Variants in TAF1C observed in about 807,000 individuals in gnomAD.
TAF1C encodes the protein TATA box-binding protein-associated factor RNA polymerase I subunit C.
TAF1C carries 79 observed loss-of-function variants against 70.5 expected under a neutral mutation model. The ratio of observed to expected loss-of-function variants is 1.12; its 90% CI spans 0.93 to 1.35. TAF1C has a LOEUF of 1.35. Ranked by LOEUF, TAF1C falls within the 40% of genes most tolerant of loss-of-function variation. The probability of loss-of-function intolerance (pLI) is 0.00; values close to 1 mark genes in which losing one functional copy is unlikely to be tolerated. For synonymous variants in TAF1C, 614 were observed against 491.1 expected (o/e 1.25, Z -3.31); for missense variants, 1,412 against 1,127.8 (o/e 1.25, Z -3.61).
chr16:84,181,223 C>T (rs1480766225), intron 11 of TAF1C, 37 bp from the exon 12 acceptor site: 1 of 1,594,418 alleles, frequency 6.3e-7, no homozygotes, highest in East Asian at 2.3e-5. Flanking sequence ...TCCCCACAGT[C>T]CCAGGCCGGT....
At position 84,185,026 on chromosome 16, in the gene TAF1C, G is replaced by C. The variant is rs764757066; in HGVS notation, c.-38C>G. 1.4e-5 allele frequency: 23 copies of C among 1,598,884 alleles called. No individual in the cohort carries two copies. The highest frequency in any genetic ancestry group is 2.0e-5 in the Non-Finnish European group (23 of 1,171,482). Reference sequence around the variant, plus strand: ...GACCAAGCACCACACTGGCCACCTCGAGAGACTGGAAGCTGGTAAGGGGCG... The same window carrying C: ...GACCAAGCACCACACTGGCCACCTCCAGAGACTGGAAGCTGGTAAGGGGCG... On this transcript the variant is annotated 5_prime_UTR_variant, in exon 2 of 15. Transcript: ENST00000566732.
At position 84,183,404 on chromosome 16, in the gene TAF1C, A is replaced by G. The variant is rs367902687; in HGVS notation, c.318+6T>C. The G allele has an allele frequency of 2.0e-4, 323 of 1,612,854 alleles. No individual in the cohort carries two copies. The highest frequency in any genetic ancestry group is 2.6e-4 in the Non-Finnish European group (303 of 1,179,438). On this transcript the variant is annotated splice_donor_region_variant and intron_variant, in intron 4 of 14. Transcript: ENST00000566732. Reference sequence around the variant, plus strand: ...ACGCAGCACTGTCCCCCGTGGGCCCACTCACCTGCTCAGTCACATCCAGCA... The same window carrying G: ...ACGCAGCACTGTCCCCCGTGGGCCCGCTCACCTGCTCAGTCACATCCAGCA...
intron 1 of TAF1C, among the ~76,000 whole-genome samples, chr16:84,186,352 G>C (rs1278486967): frequency 3.3e-5 from 5 of 152,190 alleles, no homozygotes; most frequent in Admixed American, 2.0e-4. Context: ...CCAGAAGTTT[G>C]AGACCAGTCC....
Position 84,179,832 on chromosome 16 carries a change from C to T in TAF1C, c.1641G>A (p.Pro547=), listed in dbSNP as rs775280278. 34 of 1,606,464 alleles carry T rather than the reference C, an allele frequency of 2.1e-5. No homozygotes were observed. The highest frequency in any genetic ancestry group is 2.6e-5 in the Non-Finnish European group (30 of 1,175,680). ...CTGGTGTGGGCGCTGAGGGCAAGGG[C>T]GGGACGACGGCAGCCAGACCTGGTG... ...APTIGLAAVV[P]PLPSAPTPGL... is the part of the protein sequence containing the mutation. Residue 547 remains proline, a synonymous_variant, in exon 15 of 15, where the codon CCG becomes CCA. Transcript: ENST00000566732.
chr16:84,184,729 T>C, intron 2 of TAF1C, 122 bp downstream of exon 2: 4 of 1,269,904 alleles, frequency 3.1e-6, no homozygotes, highest in Non-Finnish European at 1.1e-6. Context: ...AGAGCCTGTG[T>C]CTCAGCAGAC....
Position 84,181,324 on chromosome 16 carries a change from G to C in TAF1C, c.1164+4C>G, listed in dbSNP as rs4150152. The C allele has an allele frequency of 6.2e-7, 1 of 1,612,992 alleles. No homozygotes were observed. The highest frequency in any genetic ancestry group is 8.5e-7 in the Non-Finnish European group (1 of 1,179,620). On this transcript the variant is annotated splice_donor_region_variant and intron_variant, in intron 11 of 14. Transcript: ENST00000566732. ...GGGGTGGGTCCTCTGCCGCCAGCCC[G>C]TACCTGAGTGTCCAGCATCTTCACT...
chr16:84,182,353 C>T lies in TAF1C; in HGVS notation c.570G>A (p.Leu190=). 1 of 1,612,064 alleles carries T rather than the reference C, an allele frequency of 6.2e-7. No homozygotes were observed. Among genetic ancestry groups the T allele is most frequent in the Non-Finnish European group, 8.5e-7 (1 of 1,179,668 alleles). The change falls in exon 7 of 15, where the codon TTG becomes TTA. Residue 190 remains leucine, a synonymous_variant. Transcript: ENST00000566732. The surrounding 1 kb of genome is among the most constrained non-coding windows in gnomAD (Gnocchi z 5.0). ...PILGTSVASH[L]AELLHEELVL... ...CCAGCTCCTCGTGCAGCAGCTCTGC[C>T]AAGTGGCTCGCCACCGACGTGCCCA... is the stretch of plus-strand genomic sequence containing the variant.
In TAF1C at chr16:84,179,603, G is replaced by A. The variant is rs767051955; in HGVS notation, c.1870C>T (p.Pro624Ser). The change falls in exon 15 of 15, where the codon CCT becomes TCT. Residue 624 changes from proline (P) to serine (S), a missense_variant. Transcript: ENST00000566732. ...AAGGTGGGTGCTGTCCACACAGGAG[G>A]AGCCAGGGGCACTTTTAGCAGGGCC... ...LKALLKVPLA[P>S]PVWTAPTFTH... 2.3e-5 allele frequency: 37 copies of A among 1,612,638 alleles called. No individual in the cohort carries two copies. Among genetic ancestry groups the A allele is most frequent in the Non-Finnish European group, 3.0e-5 (35 of 1,179,918 alleles).
chr16:84,180,644 A>G, intron 12 of TAF1C: 1 of 643,916 alleles, frequency 1.6e-6, no homozygotes, highest in Non-Finnish European at 2.4e-6. Flanking sequence ...AGCCACCCCC[A>G]CTCTCCTGAC....
At position 84,183,493 on chromosome 16, in the gene TAF1C, C is replaced by T; in HGVS notation, c.235G>A (p.Gly79Ser). 6.2e-7 allele frequency: 1 copy of T among 1,610,364 alleles called. No individual in the cohort carries two copies. The highest frequency in any genetic ancestry group is 8.5e-7 in the Non-Finnish European group (1 of 1,178,292). ...LPPLIDPWDPGLTARDLLFRG... is the reference protein window; with the variant it reads ...LPPLIDPWDPSLTARDLLFRG... ...AAAAGCAGGTCCCGGGCAGTCAGGC[C>T]AGGGTCCCAGGGATCTGAGAAGGAG... is the stretch of plus-strand genomic sequence containing the variant. The change falls in exon 4 of 15, where the codon GGC becomes AGC. Residue 79 changes from glycine (G) to serine (S), a missense_variant. By Grantham distance (56) the Gly-to-Ser change is moderately conservative. Coordinates refer to ENST00000566732, the MANE Select transcript of TAF1C (RefSeq NM_001243156.2).
chr16:84,180,917 T>C, intron 12 of TAF1C, 126 bp downstream of exon 12: 1 of 1,445,900 alleles, frequency 6.9e-7, no homozygotes, highest in Non-Finnish European at 9.1e-7. Context: ...CACAGATTCA[T>C]CCAGGGTTGA....
At chr16:84,184,471 C>G (rs977108454) in intron 2 of TAF1C, among the ~76,000 whole-genome samples, 3 of 152,220 alleles carry the variant, frequency 2.0e-5, no homozygotes, top group African/African-American at 7.2e-5. Flanking sequence ...CTCCCCTCTC[C>G]CAACCCTACT....
chr16:84,185,937 A>G (rs953545760), intron 1 of TAF1C, among the ~76,000 whole-genome samples: 34 of 152,354 alleles, frequency 2.2e-4, no homozygotes, highest in African/African-American at 8.2e-4. Context: ...GCTTTGGTAA[A>G]TACAGTCCTC....
Position 84,179,036 on chromosome 16 carries a change from G to C in TAF1C, c.2437C>G (p.Gln813Glu), listed in dbSNP as rs751565416. The part of the protein sequence containing the change: ...PGCATTPPHS[Q>E]ASSVRATRSQ... ...CGAGTGGCCCGGACGCTGGAGGCCT[G>C]GGAGTGGGGAGGTGTGGTGGCACAG... The change falls in exon 15 of 15, where the codon CAG (glutamine) becomes GAG (glutamate). Residue 813 changes from glutamine to glutamate, a missense_variant. By Grantham distance (29) the Gln-to-Glu change is conservative. Coordinates refer to ENST00000566732, the MANE Select transcript of TAF1C (RefSeq NM_001243156.2). 5.0e-6 allele frequency: 8 copies of C among 1,610,890 alleles called. No individual in the cohort carries two copies. Among genetic ancestry groups the C allele is most frequent in the South Asian group, 3.3e-5 (3 of 91,046 alleles).
chr16:84,179,315 G>A lies in TAF1C; in HGVS notation c.2158C>T (p.Gln720Ter). 6.3e-7 allele frequency: 1 copy of A among 1,599,662 alleles called. No individual in the cohort carries two copies. Among genetic ancestry groups the A allele is most frequent in the Non-Finnish European group, 8.5e-7 (1 of 1,178,582 alleles). Reference sequence around the variant, plus strand: ...GTCCGGCGCTTGGGCCGCCTGGTCTGTCTCCCGGGCTCCGAGGTCCTGCCC... The same window carrying A: ...GTCCGGCGCTTGGGCCGCCTGGTCTATCTCCCGGGCTCCGAGGTCCTGCCC... ...QQGRTSEPGRQTRRPKRRTQL... is the reference protein window; with the variant it reads ...QQGRTSEPGR The change falls in exon 15 of 15, where the codon CAG becomes TAG. Residue 720 changes from glutamine to a stop codon, truncating the protein, a stop_gained. Transcript: ENST00000566732. LOFTEE classifies it low-confidence loss of function (END_TRUNC).
Position 84,180,287 on chromosome 16 carries a change from G to A in TAF1C, c.1366C>T (p.His456Tyr). Residue 456 changes from histidine to tyrosine, a missense_variant, in exon 13 of 15, where the codon CAT (histidine) becomes TAT (tyrosine). Physicochemically the swap from His to Tyr is moderately conservative, Grantham distance 83 (BLOSUM62 2). Coordinates refer to ENST00000566732, the MANE Select transcript of TAF1C (RefSeq NM_001243156.2). ...AGCAGGAGCGGGGAGGGGAGGCCAT[G>A]GTTCCACTTCAGCATCGGCACCAGG... ...LPLVPMLKWNHGLPSPLLLAR... is the reference protein window; with the variant it reads ...LPLVPMLKWNYGLPSPLLLAR... 1 of 1,549,820 alleles carries A rather than the reference G, an allele frequency of 6.5e-7. No homozygotes were observed. The highest frequency in any genetic ancestry group is 8.7e-7 in the Non-Finnish European group (1 of 1,148,440).
In TAF1C at chr16:84,182,309, A is replaced by G. The variant is rs1358184563; in HGVS notation, c.614T>C (p.Leu205Pro). 6.2e-7 allele frequency: 1 copy of G among 1,612,664 alleles called. No individual in the cohort carries two copies. Among genetic ancestry groups the G allele is most frequent in the African/African-American group, 1.3e-5 (1 of 74,918 alleles). Residue 205 changes from leucine to proline, a missense_variant, in exon 7 of 15, where the codon CTG (leucine) becomes CCG (proline). Leu to Pro is a moderately conservative substitution (Grantham distance 98). Transcript: ENST00000566732. The surrounding 1 kb of genome is among the most constrained non-coding windows in gnomAD (Gnocchi z 5.0). ...CCCAGTGCAGGCCTCATCCAGAAGC[A>G]GCTGCTCCCACCGCAGCACCAGCTC... Reference protein sequence around the residue: ...HEELVLRWEQLLLDEACTGGA... With the variant: ...HEELVLRWEQPLLDEACTGGA...
Position 84,183,079 on chromosome 16 carries a change from C to A in TAF1C, c.479G>T (p.Trp160Leu). 1 of 1,614,144 alleles carries A rather than the reference C, an allele frequency of 6.2e-7. No individual in the cohort carries two copies. The highest frequency in any genetic ancestry group is 8.5e-7 in the Non-Finnish European group (1 of 1,180,020). The change falls in exon 6 of 15, where the codon TGG becomes TTG. Residue 160 changes from tryptophan to leucine, a missense_variant. By Grantham distance (61) the Trp-to-Leu change is moderately conservative. Transcript: ENST00000566732. ...LLQDLGGHQP[W>L]GCPWAYLSNR... is the part of the protein sequence containing the mutation. ...TCCTTTCTCATCAGCCACTTGCCCC[C>A]AGGGCTGGTGTCCACCGAGGTCCTG...
chr16:84,179,235 G>A lies in TAF1C; in HGVS notation c.2238C>T (p.Thr746=), dbSNP rs1339671755. 4 of 1,584,198 alleles carry A rather than the reference G, an allele frequency of 2.5e-6. No homozygotes were observed. The highest frequency in any genetic ancestry group is 3.4e-6 in the Non-Finnish European group (4 of 1,171,746). Reference sequence around the variant, plus strand: ...GCCACTCAGGGCTATGAGGGGAGCTGGTGTCCTCTGAGGGATCCACATGGC... The same window carrying A: ...GCCACTCAGGGCTATGAGGGGAGCTAGTGTCCTCTGAGGGATCCACATGGC... The part of the protein sequence containing the change: ...LSGHVDPSED[T]SSPHSPEWPP... The change falls in exon 15 of 15, where the codon ACC becomes ACT. Residue 746 remains threonine, a synonymous_variant. Coordinates refer to ENST00000566732, the MANE Select transcript of TAF1C (RefSeq NM_001243156.2).
Sources: allele counts gnomAD v4.1 joint callset (sites outside exome capture counted in the v4.1 genomes callset), GRCh38; gene constraint gnomAD v4.1.1; non-coding constraint Gnocchi (gnomAD v3.1); transcripts MANE v1.5; gene names NCBI Gene and HGNC (gene_info 2026-07-23, HGNC 2026-07-21).